Variants in PCM1 observed in about 807,000 individuals in gnomAD.
PCM1 encodes the protein pericentriolar material 1.
In PCM1, 157 loss-of-function variants were observed where a neutral mutation model predicts 241.9. The ratio of observed to expected loss-of-function variants is 0.65; its 90% CI spans 0.57 to 0.74. The LOEUF is 0.74. Ranked by LOEUF, PCM1 falls within the 30% of genes least tolerant of loss-of-function variation. The pLI is 0.00. For missense variants in PCM1, 3,478 were observed against 2,360.1 expected (o/e 1.47, Z -9.81); for synonymous variants, 1,085 against 784.9 (o/e 1.38, Z -6.39).
At chr8:17,926,355 A>G (rs1483077013) in intron 2 of PCM1, 6 of 152,210 alleles carry the variant, frequency 3.9e-5, no homozygotes, top group African/African-American at 1.2e-4. Context: ...AACTAAGAAG[A>G]CAACCAGAAA....
intron 29 of PCM1, among the ~76,000 whole-genome samples, chr8:18,003,861 A>G (rs1398046800): frequency 6.6e-6 from 1 of 152,108 alleles, no homozygotes; most frequent in Admixed American, 6.5e-5. Flanking sequence ...CATTGCCTCA[A>G]GTGAATTGGT....
At chr8:17,956,531 G>A in intron 10 of PCM1, 73 bp from the exon 11 acceptor site, 1 of 910,042 alleles carries the variant, frequency 1.1e-6, no homozygotes, top group Non-Finnish European at 1.7e-6. Context: ...TAGCTGCTAT[G>A]ATATGAAAAT....
chr8:17,963,262 A>T lies in PCM1; in HGVS notation c.2625A>T (p.Leu875=), dbSNP rs369875060. 6.2e-7 allele frequency: 1 copy of T among 1,604,918 alleles called. No individual in the cohort carries two copies. Among genetic ancestry groups the T allele is most frequent in the African/African-American group, 1.3e-5 (1 of 74,238 alleles). The stretch of plus-strand genomic sequence containing the variant: ...TGAGAAGTGATGGATCTGAGAACCT[A>T]TGTACTCCTCAGCAAAGTAGAACAG... The part of the protein sequence containing the change: ...VSLRSDGSEN[L]CTPQQSRTEK... The change falls in exon 17 of 39, where the codon CTA becomes CTT. Residue 875 remains leucine (L), a synonymous_variant. Coordinates refer to ENST00000325083, the MANE Select transcript of PCM1 (RefSeq NM_006197.4).
intron 9 of PCM1, among the ~76,000 whole-genome samples, chr8:17,954,125 A>G (rs942571591): frequency 3.9e-5 from 6 of 152,174 alleles, no homozygotes; most frequent in Admixed American, 2.0e-4. Context: ...TTACAAACAC[A>G]TGAATACAAC....
rs200549540 is a variant in PCM1 at position 17,966,379 on chromosome 8, C to A, written c.3127C>A (p.Pro1043Thr). 5 of 1,613,246 alleles carry A rather than the reference C, an allele frequency of 3.1e-6. No individual in the cohort carries two copies. The highest frequency in any genetic ancestry group is 4.2e-6 in the Non-Finnish European group (5 of 1,179,390). ...TCTCACGGGTCCTTACAGTGTTATG[C>A]CCAGCAATGTTGCATCTCCTCAAGT... is the stretch of plus-strand genomic sequence containing the variant. ...TLLTGPYSVM[P>T]SNVASPQVHF... Residue 1043 changes from proline to threonine, a missense_variant, in exon 20 of 39, where the codon CCC becomes ACC. Pro to Thr is a conservative substitution (Grantham distance 38, BLOSUM62 -1). Transcript: ENST00000325083.
intron 38 of PCM1, 70 bp from the exon 39 acceptor site, chr8:18,027,567 G>A: frequency 9.1e-7 from 1 of 1,096,740 alleles, no homozygotes; most frequent in Non-Finnish European, 1.3e-6. Context: ...AAGCTTTAAT[G>A]ACAGAGAACA....
intron 9 of PCM1, among the ~76,000 whole-genome samples, chr8:17,953,861 T>C (rs928258914): frequency 5.9e-5 from 9 of 152,130 alleles, no homozygotes; most frequent in African/African-American, 2.2e-4. Flanking sequence ...GCATTAGAAA[T>C]TGAAGTCAGT....
rs1275857464 is a variant in PCM1 at position 18,018,887 on chromosome 8, C to T, written c.5841+4047C>T. On this transcript the variant is annotated intron_variant, in intron 36 of 38. Transcript: ENST00000325083. ...ATATATATATATATATATACACACA[C>T]ATATACATACACATATATATATATA... 1.4e-3 allele frequency among the ~76,000 whole-genome samples: 101 copies of T among 71,814 alleles called. 1 individual carries two copies. The highest frequency in any genetic ancestry group is 2.8e-3 in the African/African-American group (55 of 19,710). The allele number at this position is 71,814 out of a possible 152,430, so 47.1% of individuals were successfully genotyped here.
In PCM1 at chr8:17,947,220, T is replaced by G. The variant is rs752227377; in HGVS notation, c.818T>G (p.Ile273Arg). ...CCTCAGCAGGAGCCTATGGAAGAGA[T>G]AGAAAATTTGAAGAAACAACATGAT... is the stretch of plus-strand genomic sequence containing the variant. Reference protein sequence around the residue: ...RDPQQEPMEEIENLKKQHDLL... With the variant: ...RDPQQEPMEERENLKKQHDLL... Residue 273 changes from isoleucine (I) to arginine (R), a missense_variant, in exon 7 of 39, where the codon ATA (isoleucine) becomes AGA (arginine). By Grantham distance (97) the Ile-to-Arg change is moderately conservative. Coordinates refer to ENST00000325083, the MANE Select transcript of PCM1 (RefSeq NM_006197.4). The G allele has an allele frequency of 5.6e-6, 9 of 1,610,144 alleles. No individual in the cohort carries two copies. Among genetic ancestry groups the G allele is most frequent in the South Asian group, 1.1e-5 (1 of 90,656 alleles).
chr8:17,928,701 C>A (rs373060355), intron 2 of PCM1, among the ~76,000 whole-genome samples: 1 of 146,884 alleles, frequency 6.8e-6, no homozygotes, highest in African/African-American at 2.5e-5. Context: ...GCACTATCTC[C>A]GCTCACTGTA....
chr8:17,937,274 T>C lies in PCM1; in HGVS notation c.237T>C (p.Thr79=), dbSNP rs769503061. Reference sequence around the variant, plus strand: ...GAGTTGGAAGGCGAAGAACAAAGACTCCACATACGTTCCCACACAGTAGAT... The same window carrying C: ...GAGTTGGAAGGCGAAGAACAAAGACCCCACATACGTTCCCACACAGTAGAT... The part of the protein sequence containing the change: ...SPGVGRRRTK[T]PHTFPHSRYM... The change falls in exon 4 of 39, where the codon ACT becomes ACC. Residue 79 remains threonine (T), a synonymous_variant. Transcript: ENST00000325083. 25 of 1,610,596 alleles carry C rather than the reference T, an allele frequency of 1.6e-5. No individual in the cohort carries two copies. The highest frequency in any genetic ancestry group is 8.4e-5 in the Admixed American group (5 of 59,702).
intron 29 of PCM1, among the ~76,000 whole-genome samples, chr8:18,003,065 T>C (rs1055094681): frequency 2.0e-5 from 3 of 152,216 alleles, no homozygotes; most frequent in Admixed American, 2.0e-4. Flanking sequence ...TTTTGCTGAG[T>C]AAACCTCTGC....
At chr8:17,947,396 A>G in intron 7 of PCM1, 33 bp downstream of exon 7, 5 of 1,435,598 alleles carry the variant, frequency 3.5e-6, no homozygotes, top group South Asian at 1.3e-5. Flanking sequence ...TCTTTTTGTA[A>G]GGAAGACTCA....
chr8:17,997,554 C>T (rs2087349842), intron 29 of PCM1, among the ~76,000 whole-genome samples: 1 of 151,488 alleles, frequency 6.6e-6, no homozygotes. Flanking sequence ...TCTTTTGTCT[C>T]CTCAAGTTGT....
intron 23 of PCM1, among the ~76,000 whole-genome samples, chr8:17,973,025 T>C (rs1329021565): frequency 6.6e-6 from 1 of 152,168 alleles, no homozygotes; most frequent in Admixed American, 6.5e-5. Context: ...TCCAACTCTT[T>C]GGTCATGACT....
chr8:17,999,911 G>C (rs2088637185), intron 29 of PCM1, among the ~76,000 whole-genome samples: 1 of 152,218 alleles, frequency 6.6e-6, no homozygotes, highest in South Asian at 2.1e-4. Context: ...AGGTTTGGCA[G>C]ACCTAGCAGT....
intron 31 of PCM1, 79 bp from the exon 32 acceptor site, chr8:18,010,530 G>T: frequency 2.0e-6 from 2 of 1,006,464 alleles, no homozygotes; most frequent in East Asian, 2.7e-5. Flanking sequence ...CCAGTACTTT[G>T]GGAGGCTGAG....
At chr8:18,023,886 C>T (rs1323155564) in intron 36 of PCM1, among the ~76,000 whole-genome samples, 1 of 152,008 alleles carries the variant, frequency 6.6e-6, no homozygotes, top group African/African-American at 2.4e-5. Context: ...TTGATGATAA[C>T]AACTTTACCT....
At chr8:17,938,493 ACTTAC>A (rs1563696842) in intron 4 of PCM1, among the ~76,000 whole-genome samples, 1 of 152,176 alleles carries the variant, frequency 6.6e-6, no homozygotes, top group African/African-American at 2.4e-5. Flanking sequence ...CTTCATTTAG[ACTTAC>A]CTTGTTCATA....
Sources: gnomAD v4.1 joint callset for allele counts (sites outside exome capture counted in the v4.1 genomes callset) on GRCh38, gnomAD v4.1.1 for gene constraint, MANE v1.5 for transcripts, NCBI Gene and HGNC (gene_info 2026-07-23, HGNC 2026-07-21) for gene names.